The following HBP1 variants were observed in gnomAD, a reference collection of about 807,000 sequenced individuals.
HBP1 encodes HMG-box transcription factor 1, also known as HMG box-containing protein 1.
A neutral mutation model predicts 62.6 loss-of-function variants in HBP1; 20 were observed. The ratio of observed to expected loss-of-function variants is 0.32; its 90% confidence interval spans 0.22 to 0.46. The LOEUF (loss-of-function observed/expected upper bound fraction) is 0.46, where lower values mean the gene tolerates loss of function less well. HBP1 is among the 20% of genes least tolerant of loss of function. The probability of loss-of-function intolerance (pLI) is 1.00; values close to 1 mark genes in which losing one functional copy is unlikely to be tolerated. For synonymous variants in HBP1, 232 were observed against 206.2 expected (o/e 1.12, Z -1.07); for missense variants, 480 against 611.8 (o/e 0.78, Z 2.27).
At chr7:107,176,311 A>G (rs922412529) in intron 1 of HBP1, among the ~76,000 whole-genome samples, 3 of 152,160 alleles carry the variant, frequency 2.0e-5, no homozygotes, top group Non-Finnish European at 4.4e-5. Flanking sequence ...GGCGTGAACC[A>G]CTGATCTAGC....
At chr7:107,170,741 A>G (rs1376026255) in intron 1 of HBP1, among the ~76,000 whole-genome samples, 1 of 151,642 alleles carries the variant, frequency 6.6e-6, no homozygotes, top group Non-Finnish European at 1.5e-5. Context: ...TCTGTCTCGA[A>G]AACCCTTCCT....
At chr7:107,184,771 A>C (rs1430019658) in intron 3 of HBP1, among the ~76,000 whole-genome samples, 4 of 152,218 alleles carry the variant, frequency 2.6e-5, no homozygotes, top group Admixed American at 2.6e-4. Context: ...TGGCCTCCCA[A>C]AGTGCTGGGT....
At chr7:107,176,465 A>T (rs571152217) in intron 1 of HBP1, among the ~76,000 whole-genome samples, 1 of 152,296 alleles carries the variant, frequency 6.6e-6, no homozygotes, top group Admixed American at 6.5e-5. Context: ...AATGCCCTGT[A>T]CATAGTATTT....
chr7:107,197,221 C>T (rs1207074479), intron 9 of HBP1: 2 of 152,180 alleles, frequency 1.3e-5, no homozygotes, highest in Admixed American at 1.3e-4. Context: ...TGTCTTCTTC[C>T]AGTCTTTGTA....
intron 1 of HBP1, among the ~76,000 whole-genome samples, chr7:107,172,619 A>G (rs1796653364): frequency 6.6e-6 from 1 of 152,208 alleles, no homozygotes; most frequent in African/African-American, 2.4e-5. Flanking sequence ...TGATCAATAT[A>G]GTATTTCATG....
chr7:107,169,403 G>A (rs573236798), intron 1 of HBP1, among the ~76,000 whole-genome samples: 1,892 of 150,424 alleles, frequency 0.013, 49 homozygotes, highest in African/African-American at 0.043. Context: ...GCGGCGCTAG[G>A]GGGTCTCGGG....
intron 2 of HBP1, among the ~76,000 whole-genome samples, 197 bp downstream of exon 2, chr7:107,180,259 A>G (rs1797048024): frequency 6.6e-6 from 1 of 152,242 alleles, no homozygotes; most frequent in South Asian, 2.1e-4. Context: ...TGGTTATTGT[A>G]GACACTCATT....
chr7:107,170,063 C>G, intron 1 of HBP1: 1 of 985,304 alleles, frequency 1.0e-6, no homozygotes, highest in Non-Finnish European at 1.2e-6. Context: ...GCTGTGCACT[C>G]TACACTCGAG....
intron 1 of HBP1, among the ~76,000 whole-genome samples, chr7:107,177,998 C>A (rs1796941257): frequency 6.6e-6 from 1 of 152,094 alleles, no homozygotes; most frequent in Non-Finnish European, 1.5e-5. Flanking sequence ...AACATCATGA[C>A]TTAGAAAGCT....
chr7:107,169,202 TTAGGGAAGAGGTGGGGG>T lies in HBP1; in HGVS notation c.-16+19_-16+35del. 4.2e-6 allele frequency: 4 copies of T among 944,336 alleles called. No individual in the cohort carries two copies. The highest frequency in any genetic ancestry group is 5.0e-6 in the Non-Finnish European group (4 of 793,094). 58.5% of individuals were successfully genotyped at this position (944,336 alleles called of 1,614,324 possible). A position where few individuals can be genotyped will look rare whatever the true frequency, so the allele number is the denominator to read the frequency against. On this transcript the variant is annotated intron_variant, in intron 1 of 10. Transcript: ENST00000222574. ...TCGCGGCAGGTTTGTTGTCTTTCAGTTAGGGAAGAGGTGGGGGTGGGGAAGGGAGGGGCAGGAGCGCG... is the reference window on the plus strand; with the variant it reads ...TCGCGGCAGGTTTGTTGTCTTTCAGTTGGGGAAGGGAGGGGCAGGAGCGCG...
chr7:107,169,965 GAAACA>G (rs1345865561), intron 1 of HBP1: 6 of 985,426 alleles, frequency 6.1e-6, no homozygotes, highest in Middle Eastern at 5.2e-4. Context: ...CAGGCCGATT[GAAACA>G]AAACAAAACA....
chr7:107,174,579 C>G (rs911138542), intron 1 of HBP1: 3 of 985,388 alleles, frequency 3.0e-6, no homozygotes, highest in Non-Finnish European at 3.6e-6. Flanking sequence ...GAAAAAAGTT[C>G]TAGCTGGAAA....
At chr7:107,171,005 A>G (rs1005142122) in intron 1 of HBP1, among the ~76,000 whole-genome samples, 5 of 138,312 alleles carry the variant, frequency 3.6e-5, no homozygotes, top group Admixed American at 1.4e-4. Flanking sequence ...TATATAACAT[A>G]TACATGTATA....
chr7:107,200,671 T>G (rs1798205715), intron 10 of HBP1: 2 of 157,682 alleles, frequency 1.3e-5, no homozygotes, highest in Admixed American at 6.5e-5. Flanking sequence ...CTCAACAGCT[T>G]TTTTTCCTTA....
At chr7:107,198,810 T>C (rs1798054602) in intron 9 of HBP1, among the ~76,000 whole-genome samples, 1 of 152,224 alleles carries the variant, frequency 6.6e-6, no homozygotes. Flanking sequence ...AATCTTTAGA[T>C]GTGTATATTT....
intron 3 of HBP1, among the ~76,000 whole-genome samples, chr7:107,182,896 A>G (rs1239247453): frequency 2.0e-5 from 3 of 152,214 alleles, no homozygotes; most frequent in African/African-American, 7.2e-5. Flanking sequence ...AGAAATGAAA[A>G]TTGTATTTCT....
chr7:107,193,076 C>T (rs544171391), intron 8 of HBP1: 1 of 152,256 alleles, frequency 6.6e-6, no homozygotes, highest in East Asian at 1.9e-4. Context: ...GATGAGCTCT[C>T]ATACATAATT....
At chr7:107,184,287 A>G (rs1280328830) in intron 3 of HBP1, among the ~76,000 whole-genome samples, 4 of 152,222 alleles carry the variant, frequency 2.6e-5, no homozygotes, top group Non-Finnish European at 4.4e-5. Context: ...AACATTCAGC[A>G]TATAATTTGA....
At chr7:107,183,534 A>G (rs1215757443) in intron 3 of HBP1, among the ~76,000 whole-genome samples, 1 of 152,130 alleles carries the variant, frequency 6.6e-6, no homozygotes, top group Admixed American at 6.5e-5. Flanking sequence ...ACTTCCTTTC[A>G]GAGTTGTTAT....
Sources: allele counts gnomAD v4.1 joint callset (sites outside exome capture counted in the v4.1 genomes callset), GRCh38; gene constraint gnomAD v4.1.1; transcripts MANE v1.5; gene names NCBI Gene and HGNC (gene_info 2026-07-23, HGNC 2026-07-21).